Variants in FOLH1 observed in about 807,000 individuals in gnomAD.
FOLH1 encodes folate hydrolase 1, also known as glutamate carboxypeptidase 2.
FOLH1 carries 54 observed loss-of-function variants against 93.9 expected under a neutral mutation model. The ratio of observed to expected loss-of-function variants is 0.57; its 90% confidence interval spans 0.46 to 0.72. FOLH1 has a LOEUF of 0.72. Ranked by LOEUF, FOLH1 falls within the 30% of genes least tolerant of loss-of-function variation. FOLH1 has a pLI of 0.00. For synonymous variants in FOLH1, 249 were observed against 303.6 expected, an observed-to-expected ratio of 0.82 and a Z score of 1.87; for missense variants, 571 against 892.5, an observed-to-expected ratio of 0.64 and a Z score of 4.59.
intron 13 of FOLH1, among the ~76,000 whole-genome samples, chr11:49,160,969 T>A (rs1436565082): frequency 6.6e-6 from 1 of 152,196 alleles, no homozygotes; most frequent in African/African-American, 2.4e-5. Flanking sequence ...TACTCTTGAT[T>A]TTGAATTTGC....
chr11:49,186,623 A>C (rs1280267357), intron 5 of FOLH1, 21 bp downstream of exon 5: 1 of 1,605,392 alleles, frequency 6.2e-7, no homozygotes, highest in Admixed American at 1.7e-5. Flanking sequence ...GAGAGAAAAA[A>C]AGAGATAATT....
chr11:49,204,948 C>T (rs1314102997), intron 2 of FOLH1, among the ~76,000 whole-genome samples: 1 of 152,080 alleles, frequency 6.6e-6, no homozygotes, highest in East Asian at 1.9e-4. Context: ...TGGGGGCTCA[C>T]ACCGGTAATC....
intron 17 of FOLH1, among the ~76,000 whole-genome samples, chr11:49,149,532 A>G (rs1282385148): frequency 6.6e-6 from 1 of 152,196 alleles, no homozygotes; most frequent in East Asian, 1.9e-4. Context: ...TGTTTGTGGA[A>G]CACATGGCTA....
chr11:49,153,539 C>T (rs905021833), intron 17 of FOLH1, among the ~76,000 whole-genome samples: 3 of 152,136 alleles, frequency 2.0e-5, no homozygotes, highest in Non-Finnish European at 4.4e-5. Flanking sequence ...GAGGGAGGGA[C>T]TGACATTTCT....
chr11:49,147,243 GTT>G (rs1441248292), intron 18 of FOLH1, among the ~76,000 whole-genome samples: 1 of 152,100 alleles, frequency 6.6e-6, no homozygotes, highest in Non-Finnish European at 1.5e-5. Flanking sequence ...TTTTTCTGAT[GTT>G]TAGAAATAAA....
intron 2 of FOLH1, among the ~76,000 whole-genome samples, chr11:49,205,240 A>G (rs1863771066): frequency 6.6e-6 from 1 of 152,050 alleles, no homozygotes; most frequent in Non-Finnish European, 1.5e-5. Flanking sequence ...AGAAAAAAAA[A>G]CAAGTATTCT....
Position 49,154,339 on chromosome 11 carries a change from G to A in FOLH1, c.1777C>T (p.Leu593Phe), listed in dbSNP as rs1175189208. 1.2e-6 allele frequency: 2 copies of A among 1,613,298 alleles called. No individual in the cohort carries two copies. The highest frequency in any genetic ancestry group is 1.1e-5 in the South Asian group (1 of 91,070). ...MVFELANSIV[L>F]PFDCRDYAVV... The stretch of plus-strand genomic sequence containing the variant: ...GCATAATCTCGACAATCAAAAGGGA[G>A]CACTATGGAATTGGCTAGCTCAAAC... The change falls in exon 16 of 19, where the codon CTC becomes TTC. Residue 593 changes from leucine to phenylalanine, a missense_variant. Transcript: ENST00000256999.
chr11:49,186,349 T>C (rs1367905223), intron 5 of FOLH1, among the ~76,000 whole-genome samples: 4 of 152,164 alleles, frequency 2.6e-5, no homozygotes, highest in Non-Finnish European at 5.9e-5. Flanking sequence ...ACAAAGATAC[T>C]GAAAGTTAAT....
chr11:49,154,025 C>A (rs1856744585), intron 16 of FOLH1, 98 bp from the exon 17 acceptor site: 4 of 1,322,912 alleles, frequency 3.0e-6, no homozygotes, highest in Non-Finnish European at 4.1e-6. Flanking sequence ...AAGCCATCAT[C>A]TTTTGTGTTT....
chr11:49,159,880 T>G (rs1445289769), intron 13 of FOLH1, among the ~76,000 whole-genome samples: 2 of 151,860 alleles, frequency 1.3e-5, no homozygotes, highest in African/African-American at 4.8e-5. Flanking sequence ...TTCCAGGAAT[T>G]TATCCTTTTT....
chr11:49,179,246 A>G (rs1860453609), intron 7 of FOLH1, among the ~76,000 whole-genome samples: 1 of 152,256 alleles, frequency 6.6e-6, no homozygotes, highest in Non-Finnish European at 1.5e-5. Context: ...TGGCTGGGAT[A>G]TAAAATGACT....
Position 49,200,264 on chromosome 11 carries a change from A to G in FOLH1, c.402T>C (p.Asp134=). 6.4e-7 allele frequency: 1 copy of G among 1,550,578 alleles called. No homozygotes were observed. Among genetic ancestry groups the G allele is most frequent in the Non-Finnish European group, 8.7e-7 (1 of 1,149,676 alleles). ...HPNYISIINE[D]GNEIFNTSLF... is the part of the protein sequence containing the mutation. ...TTTATTTATTTTTTACCTCATTTCC[A>G]TCTTCATTAATTATTGAGATGTAGT... The change falls in exon 3 of 19, where the codon GAT becomes GAC. Residue 134 remains aspartate, a synonymous_variant. Transcript: ENST00000256999.
chr11:49,186,862 G>A (rs767819649), intron 4 of FOLH1, 93 bp from the exon 5 acceptor site: 44 of 1,407,074 alleles, frequency 3.1e-5, no homozygotes, highest in Non-Finnish European at 4.1e-5. Context: ...AAAGAGGGAA[G>A]AGGTCAGAGC....
rs1855793141 is a variant in FOLH1 at position 49,146,594 on chromosome 11, TAAAC to T, written c.*158_*161del. 3.5e-6 allele frequency: 2 copies of T among 579,014 alleles called. No homozygotes were observed. The highest frequency in any genetic ancestry group is 5.5e-6 in the Non-Finnish European group (2 of 361,824). 35.9% of individuals were successfully genotyped at this position (579,014 alleles called of 1,614,324 possible). Reference sequence around the variant, plus strand: ...TCAGTTTTAATCCATAGGGAGAAGATAAACAATATAAACACACACATATATAAAC... The same window carrying T: ...TCAGTTTTAATCCATAGGGAGAAGATAATATAAACACACACATATATAAAC... On this transcript the variant is annotated 3_prime_UTR_variant, in exon 19 of 19. Coordinates refer to ENST00000256999, the MANE Select transcript of FOLH1 (RefSeq NM_004476.3).
At chr11:49,186,198 C>A (rs1428985711) in intron 5 of FOLH1, 3 of 222,064 alleles carry the variant, frequency 1.4e-5, no homozygotes, top group Non-Finnish European at 2.5e-5. Flanking sequence ...AATTTAATTT[C>A]CCACTAAAGA....
intron 6 of FOLH1, among the ~76,000 whole-genome samples, chr11:49,184,223 TAAAC>T (rs1365856003): frequency 6.6e-6 from 1 of 152,136 alleles, no homozygotes; most frequent in Non-Finnish European, 1.5e-5. Context: ...ATTGGAGAGA[TAAAC>T]AAATAAAACA....
chr11:49,150,188 G>T lies in FOLH1; in HGVS notation c.1971-1457C>A, dbSNP rs149647190. Among the ~76,000 whole-genome samples, 4 of 152,132 alleles carry T rather than the reference G, an allele frequency of 2.6e-5. No individual in the cohort carries two copies. In the South Asian group the frequency reaches 8.3e-4, roughly 32 times the overall value. On this transcript the variant is annotated intron_variant, in intron 17 of 18. Coordinates refer to ENST00000256999, the MANE Select transcript of FOLH1 (RefSeq NM_004476.3). ...TCACTGTATTAATTGAAAAAAATTC[G>T]TAAATAAGTGGACCTGTGCAGTTCA...
At chr11:49,150,068 G>C (rs1284976275) in intron 17 of FOLH1, among the ~76,000 whole-genome samples, 1 of 152,048 alleles carries the variant, frequency 6.6e-6, no homozygotes, top group Non-Finnish European at 1.5e-5. Context: ...CAATTCCTCT[G>C]CCTCAGCTTC....
chr11:49,179,759 T>C (rs192345494), intron 7 of FOLH1, among the ~76,000 whole-genome samples: 378 of 152,148 alleles, frequency 2.5e-3, no homozygotes, highest in African/African-American at 8.6e-3. Flanking sequence ...AGAGAAATAA[T>C]AAAATAAATA....
Sources: gnomAD v4.1 joint callset for allele counts (sites outside exome capture counted in the v4.1 genomes callset) on GRCh38, gnomAD v4.1.1 for gene constraint, MANE v1.5 for transcripts, NCBI Gene and HGNC (gene_info 2026-07-23, HGNC 2026-07-21) for gene names.